The following EFR3A variants were observed in gnomAD, a reference collection of about 807,000 sequenced individuals.
The protein encoded by EFR3A is EFR3 homolog A, also known as protein EFR3 homolog A.
EFR3A carries 76 observed loss-of-function variants against 104.4 expected under a neutral mutation model. That is an observed-to-expected ratio of 0.73 (90% CI 0.60 to 0.88). The LOEUF (loss-of-function observed/expected upper bound fraction) is 0.88. EFR3A is among the 40% of genes least tolerant of loss of function. EFR3A has a pLI of 0.00. For missense variants in EFR3A, 985 were observed against 1,012.5 expected (o/e 0.97, Z 0.37); for synonymous variants, 330 against 330.0 (o/e 1.00, Z 0.00).
At chr8:131,971,387 A>G (rs1443320187) in intron 10 of EFR3A, among the ~76,000 whole-genome samples, 2 of 152,106 alleles carry the variant, frequency 1.3e-5, no homozygotes, top group African/African-American at 4.8e-5. Flanking sequence ...TTGGTTTTGT[A>G]TGGTGTTTCC....
intron 10 of EFR3A, among the ~76,000 whole-genome samples, chr8:131,974,332 T>C (rs923566186): frequency 1.3e-5 from 2 of 152,202 alleles, no homozygotes; most frequent in African/African-American, 4.8e-5. Flanking sequence ...GGAAGTATGA[T>C]AGTGCTTGCT....
intron 1 of EFR3A, among the ~76,000 whole-genome samples, chr8:131,911,891 G>A (rs560678849): frequency 1.1e-3 from 162 of 152,332 alleles, no homozygotes; most frequent in Non-Finnish European, 2.0e-3. Context: ...GTGACCCACA[G>A]TCAAACAAGG....
Position 131,904,225 on chromosome 8 carries a change from GC to G in EFR3A, c.-85del. 8.0e-7 allele frequency: 1 copy of G among 1,256,760 alleles called. No homozygotes were observed. Among genetic ancestry groups the G allele is most frequent in the Non-Finnish European group, 1.0e-6 (1 of 995,986 alleles). 77.9% of individuals were successfully genotyped at this position (1,256,760 alleles called of 1,614,324 possible). ...CCTTCGCCTCGTTCCGGCCTCCGCG[GC>G]CCAGCAACGGCCGTCATGGTGCCGT... On this transcript the variant is annotated 5_prime_UTR_variant, in exon 1 of 23. Transcript: ENST00000254624.
chr8:131,919,624 C>T (rs1816906447), intron 1 of EFR3A, among the ~76,000 whole-genome samples: 1 of 151,054 alleles, frequency 6.6e-6, no homozygotes, highest in African/African-American at 2.4e-5. Context: ...AAAAATTTAC[C>T]TGTTTTAACG....
At chr8:131,905,992 A>G (rs762248854) in intron 1 of EFR3A, among the ~76,000 whole-genome samples, 1 of 152,250 alleles carries the variant, frequency 6.6e-6, no homozygotes, top group Non-Finnish European at 1.5e-5. Flanking sequence ...GAGTTTACAT[A>G]GTTAAGAATG....
rs55964352 is a variant in EFR3A at position 132,008,846 on chromosome 8, CAAAAA to C, written c.2361-1920_2361-1916del. Among the ~76,000 whole-genome samples, 243 of 32,150 alleles carry C rather than the reference CAAAAA, an allele frequency of 7.6e-3. 5 individuals are homozygous for C. The highest frequency in any genetic ancestry group is 0.06 in the Admixed American group (129 of 2,160). 21.1% of individuals were successfully genotyped at this position (32,150 alleles called of 152,430 possible). On this transcript the variant is annotated intron_variant, in intron 22 of 22. Coordinates refer to ENST00000254624, the MANE Select transcript of EFR3A (RefSeq NM_015137.6). ...GGGTGACAAGAGTAAAACTCCATCTCAAAAAAAAAAAAAAAAAAAAAAAAAAAAGA... is the reference window on the plus strand; with the variant it reads ...GGGTGACAAGAGTAAAACTCCATCTCAAAAAAAAAAAAAAAAAAAAAAAGA...
intron 1 of EFR3A, among the ~76,000 whole-genome samples, chr8:131,913,506 A>G (rs1324903346): frequency 6.6e-6 from 1 of 151,694 alleles, no homozygotes; most frequent in African/African-American, 2.4e-5. Context: ...AGTTTTCTGT[A>G]TTCTTAAATT....
chr8:131,998,606 T>G (rs1279457191), intron 19 of EFR3A, among the ~76,000 whole-genome samples: 1 of 152,046 alleles, frequency 6.6e-6, no homozygotes, highest in African/African-American at 2.4e-5. Flanking sequence ...TGGTGAACTT[T>G]TTCTAAAAGT....
chr8:131,934,667 T>C (rs919420154), intron 1 of EFR3A, among the ~76,000 whole-genome samples: 8 of 152,024 alleles, frequency 5.3e-5, no homozygotes, highest in African/African-American at 1.9e-4. Flanking sequence ...AAATACAGAA[T>C]TATATATAAT....
intron 5 of EFR3A, among the ~76,000 whole-genome samples, chr8:131,950,354 T>C (rs953551695): frequency 1.3e-5 from 2 of 152,162 alleles, no homozygotes; most frequent in African/African-American, 4.8e-5. Context: ...CATTTCTTCC[T>C]ACCTTCACTC....
intron 18 of EFR3A, among the ~76,000 whole-genome samples, chr8:131,988,183 TGAACTATATA>T (rs1450105546): frequency 3.0e-5 from 2 of 67,526 alleles, no homozygotes; most frequent in African/African-American, 4.7e-5. Context: ...ATTTTCTCTG[TGAACTATATA>T]TTTTCCCATT....
intron 1 of EFR3A, among the ~76,000 whole-genome samples, chr8:131,939,540 T>C (rs1381915813): frequency 6.6e-6 from 1 of 152,182 alleles, no homozygotes; most frequent in Non-Finnish European, 1.5e-5. Context: ...TAAGAATCTT[T>C]CTTATTGAAA....
In EFR3A at chr8:131,970,578, A is replaced by C. The variant is rs773212751; in HGVS notation, c.1094A>C (p.Asn365Thr). Residue 365 changes from asparagine (N) to threonine (T), a missense_variant, in exon 10 of 23, where the codon AAC (asparagine) becomes ACC (threonine). By Grantham distance (65) the Asn-to-Thr change is moderately conservative (BLOSUM62 0). Coordinates refer to ENST00000254624, the MANE Select transcript of EFR3A (RefSeq NM_015137.6). Reference protein sequence around the residue: ...DLQGGSVGSVNLNTSSKDNDE... With the variant: ...DLQGGSVGSVTLNTSSKDNDE... ...CAGGGGGGATCTGTAGGCAGTGTCA[A>C]CTTAAATACAAGTTCCAAAGACAAT... 6.2e-6 allele frequency: 10 copies of C among 1,613,852 alleles called. No individual in the cohort carries two copies. The highest frequency in any genetic ancestry group is 8.5e-6 in the Non-Finnish European group (10 of 1,179,786).
chr8:131,999,791 G>A lies in EFR3A; in HGVS notation c.2158-1968G>A, dbSNP rs566232345. On this transcript the variant is annotated intron_variant, in intron 19 of 22. Transcript: ENST00000254624. Reference sequence around the variant, plus strand: ...TTGTATACCAGGCTGAGGGCTTTCTGTGTCACTTCACAGGAAGTAGGTAAA... The same window carrying A: ...TTGTATACCAGGCTGAGGGCTTTCTATGTCACTTCACAGGAAGTAGGTAAA... 1.8e-3 allele frequency among the ~76,000 whole-genome samples: 280 copies of A among 152,226 alleles called. 2 individuals are homozygous for A. Among genetic ancestry groups the A allele is most frequent in the African/African-American group, 6.5e-3 (272 of 41,562 alleles).
intron 1 of EFR3A, among the ~76,000 whole-genome samples, chr8:131,928,007 T>G (rs1817385629): frequency 6.6e-6 from 1 of 152,194 alleles, no homozygotes; most frequent in East Asian, 1.9e-4. Flanking sequence ...ATCTTAAAAT[T>G]GTCTTCTGAC....
At chr8:131,937,028 T>A (rs2130534597) in intron 1 of EFR3A, among the ~76,000 whole-genome samples, 1 of 152,238 alleles carries the variant, frequency 6.6e-6, no homozygotes, top group South Asian at 2.1e-4. Context: ...CATGCCTTGG[T>A]CTTTACTGTG....
chr8:131,979,748 A>G (rs951687507), intron 14 of EFR3A, among the ~76,000 whole-genome samples: 2 of 152,108 alleles, frequency 1.3e-5, no homozygotes, highest in African/African-American at 4.8e-5. Flanking sequence ...TCTTTTATAT[A>G]GACAGCTTCA....
intron 1 of EFR3A, among the ~76,000 whole-genome samples, chr8:131,918,552 G>T (rs768447604): frequency 1.4e-4 from 21 of 152,126 alleles, no homozygotes; most frequent in Non-Finnish European, 2.5e-4. Context: ...GTTGGATAGA[G>T]AAATTACTTA....
At chr8:131,983,122 C>G (rs1373547490) in intron 14 of EFR3A, among the ~76,000 whole-genome samples, 1 of 152,130 alleles carries the variant, frequency 6.6e-6, no homozygotes, top group Non-Finnish European at 1.5e-5. Context: ...CTGTGCTGTT[C>G]TCGCCCAGTT....
Sources: gnomAD v4.1 joint callset for allele counts (sites outside exome capture counted in the v4.1 genomes callset) on GRCh38, gnomAD v4.1.1 for gene constraint, MANE v1.5 for transcripts, NCBI Gene and HGNC (gene_info 2026-07-23, HGNC 2026-07-21) for gene names.